Variants in WASF3 observed in about 807,000 individuals in gnomAD.
WASF3 encodes the protein actin-binding protein WASF3.
Under a neutral mutation model 46.6 loss-of-function variants are expected in WASF3, and 11 were observed. The ratio of observed to expected loss-of-function variants is 0.24; its 90% confidence interval spans 0.15 to 0.39. WASF3 has a LOEUF of 0.39. Ranked by LOEUF, WASF3 falls within the 10% of genes least tolerant of loss-of-function variation. The probability of loss-of-function intolerance (pLI) is 1.00; values close to 1 mark genes in which losing one functional copy is unlikely to be tolerated. For synonymous variants in WASF3, 242 were observed against 259.7 expected (o/e 0.93, Z 0.65); for missense variants, 576 against 669.8 (o/e 0.86, Z 1.55).
intron 3 of WASF3, among the ~76,000 whole-genome samples, chr13:26,652,131 A>G (rs764128474): frequency 1.3e-5 from 2 of 152,226 alleles, no homozygotes; most frequent in Non-Finnish European, 2.9e-5. Flanking sequence ...TTATCAGGTT[A>G]AATTAAAAAG....
At chr13:26,633,347 C>A (rs571169205) in intron 2 of WASF3, among the ~76,000 whole-genome samples, 2 of 151,906 alleles carry the variant, frequency 1.3e-5, no homozygotes, top group Admixed American at 6.6e-5. Context: ...GGATTACAGG[C>A]ATGTGCCACC....
At chr13:26,620,443 T>G (rs182461739) in intron 2 of WASF3, 146 of 152,312 alleles carry the variant, frequency 9.6e-4, no homozygotes, top group Middle Eastern at 3.4e-3. Flanking sequence ...ATTTAGTGAT[T>G]TATTTAACTT....
At chr13:26,554,162 T>C (rs1879046246), upstream of WASF3, among the ~76,000 whole-genome samples, 3 of 147,396 alleles carry the variant, frequency 2.0e-5, no homozygotes, top group Admixed American at 2.1e-4. Flanking sequence ...AGTCTTACTC[T>C]GTCACACAGG....
At chr13:26,539,701 A>T in the WASF3 span, among the ~76,000 whole-genome samples, 1 of 152,136 alleles carries the variant, frequency 6.6e-6, no homozygotes, top group Non-Finnish European at 1.5e-5. Flanking sequence ...TCTAAGTCTG[A>T]TTCTTCAATG....
At position 26,687,291 on chromosome 13, in the gene WASF3, T is replaced by G. The variant is rs1225431193; in HGVS notation, c.*1446T>G. The G allele has an allele frequency of 6.6e-6, 1 of 152,210 alleles. No individual in the cohort carries two copies. Among genetic ancestry groups the G allele is most frequent in the African/African-American group, 2.4e-5 (1 of 41,442 alleles). The allele number at this position is 152,210 out of a possible 1,614,324, so 9.4% of individuals were successfully genotyped here. A position where few individuals can be genotyped will look rare whatever the true frequency, so the allele number is the denominator to read the frequency against. On this transcript the variant is annotated 3_prime_UTR_variant, in exon 10 of 10. Coordinates refer to ENST00000335327, the MANE Select transcript of WASF3 (RefSeq NM_006646.6). ...CAACAGTATTTCATATCCATTGTGG[T>G]TAGTTACTCAGTTATGTTGAGAAGA...
In WASF3 at chr13:26,660,208, T is replaced by G. The variant is rs1233279234; in HGVS notation, c.134-4820T>G. ...TTTTTTGTTTGGTTTTTTTTTTTTT[T>G]TTTTTTTTTTTTTTTTTTTTTAGCA... On this transcript the variant is annotated intron_variant, in intron 3 of 9. Coordinates refer to ENST00000335327, the MANE Select transcript of WASF3 (RefSeq NM_006646.6). Among the ~76,000 whole-genome samples, 5 of 126,380 alleles carry G rather than the reference T, an allele frequency of 4.0e-5. No homozygotes were observed. In the East Asian group the frequency reaches 8.2e-4, roughly 21 times the overall value. 82.9% of individuals were successfully genotyped at this position (126,380 alleles called of 152,430 possible).
chr13:26,552,799 A>C (rs1358861108), upstream of WASF3, among the ~76,000 whole-genome samples: 1 of 152,356 alleles, frequency 6.6e-6, no homozygotes, highest in East Asian at 1.9e-4. Context: ...ATTTTTATGT[A>C]AGATGACATG....
At chr13:26,683,549 G>C (rs1035648973) in intron 9 of WASF3, among the ~76,000 whole-genome samples, 1 of 151,512 alleles carries the variant, frequency 6.6e-6, no homozygotes, top group African/African-American at 2.4e-5. Context: ...TGAAGTGATC[G>C]ATTAATTAAT....
At chr13:26,681,343 C>G in intron 8 of WASF3, 23 bp downstream of exon 8, 1 of 1,541,748 alleles carries the variant, frequency 6.5e-7, no homozygotes. Context: ...GCCTTGTACC[C>G]TAATCCCTCC....
At chr13:26,608,888 C>T (rs545108831) in intron 1 of WASF3, among the ~76,000 whole-genome samples, 104 of 152,032 alleles carry the variant, frequency 6.8e-4, no homozygotes, top group African/African-American at 2.4e-3. Flanking sequence ...GAACATTATA[C>T]GTGAATAGTT....
At chr13:26,601,578 C>A (rs1352959757) in intron 1 of WASF3, among the ~76,000 whole-genome samples, 1 of 152,170 alleles carries the variant, frequency 6.6e-6, no homozygotes, top group African/African-American at 2.4e-5. Flanking sequence ...ATGCAGAATT[C>A]AAGTTATTAA....
At position 26,631,287 on chromosome 13, in the gene WASF3, G is replaced by T. The variant is rs138576916; in HGVS notation, c.-10-10974G>T. Among the ~76,000 whole-genome samples, 1,208 of 152,286 alleles carry T rather than the reference G, an allele frequency of 7.9e-3. 7 individuals are homozygous for T. The highest frequency in any genetic ancestry group is 0.024 in the Middle Eastern group (7 of 294). Reference sequence around the variant, plus strand: ...ATGGTATTGCCTAGGTTTTCTTCTAGAGTTTTTATGGTTTTAGGTCTAACA... The same window carrying T: ...ATGGTATTGCCTAGGTTTTCTTCTATAGTTTTTATGGTTTTAGGTCTAACA... On this transcript the variant is annotated intron_variant, in intron 2 of 9. Transcript: ENST00000335327.
intron 6 of WASF3, among the ~76,000 whole-genome samples, chr13:26,676,188 A>C (rs1230534226): frequency 6.6e-6 from 1 of 152,206 alleles, no homozygotes; most frequent in East Asian, 1.9e-4. Flanking sequence ...GGCGGGAAAT[A>C]ATTTCTCTTT....
upstream of WASF3, among the ~76,000 whole-genome samples, chr13:26,557,353 C>T (rs1879121695): frequency 6.6e-6 from 1 of 152,204 alleles, no homozygotes; most frequent in Admixed American, 6.5e-5. Flanking sequence ...TAAGCGCAAA[C>T]TCAAAGGTAC....
At chr13:26,627,195 G>A (rs577074318) in intron 2 of WASF3, among the ~76,000 whole-genome samples, 2 of 151,948 alleles carry the variant, frequency 1.3e-5, no homozygotes, top group South Asian at 4.2e-4. Flanking sequence ...AAAATTAGAG[G>A]ACAAATGTTA....
In WASF3 at chr13:26,647,778, T is replaced by C. The variant is rs562333195; in HGVS notation, c.133+5375T>C. Reference sequence around the variant, plus strand: ...TGAGCCCTGCCGAAAAAAAAAAATTTGGCGACATTAATGGTACTATTAAGA... The same window carrying C: ...TGAGCCCTGCCGAAAAAAAAAAATTCGGCGACATTAATGGTACTATTAAGA... On this transcript the variant is annotated intron_variant, in intron 3 of 9. Coordinates refer to ENST00000335327, the MANE Select transcript of WASF3 (RefSeq NM_006646.6). 5.9e-5 allele frequency among the ~76,000 whole-genome samples: 9 copies of C among 152,180 alleles called. No individual in the cohort carries two copies. In the East Asian group the frequency reaches 1.7e-3, roughly 29 times the overall value.
intron 1 of WASF3, among the ~76,000 whole-genome samples, chr13:26,563,804 T>A (rs76512984): frequency 0.052 from 7,802 of 151,412 alleles, 318 homozygotes; most frequent in Non-Finnish European, 0.07. Flanking sequence ...TTTTTTTTTT[T>A]AAATTTTAAA....
At chr13:26,597,439 G>C (rs1187534629) in intron 1 of WASF3, among the ~76,000 whole-genome samples, 58 of 151,700 alleles carry the variant, frequency 3.8e-4, no homozygotes, top group Admixed American at 3.8e-3. Flanking sequence ...CTGGCCCCTT[G>C]ATTTTTTGTT....
At chr13:26,654,139 C>T (rs961211654) in intron 3 of WASF3, among the ~76,000 whole-genome samples, 1 of 152,050 alleles carries the variant, frequency 6.6e-6, no homozygotes, top group African/African-American at 2.4e-5. Flanking sequence ...AGTCACTCCC[C>T]ACCGACCCCC....
Sources: gnomAD v4.1 joint callset for allele counts (sites outside exome capture counted in the v4.1 genomes callset) on GRCh38, gnomAD v4.1.1 for gene constraint, MANE v1.5 for transcripts, NCBI Gene and HGNC (gene_info 2026-07-23, HGNC 2026-07-21) for gene names.